MTUS2: variants seen among roughly 807,000 people sequenced by gnomAD.
The protein encoded by MTUS2 is microtubule-associated tumor suppressor candidate 2.
In MTUS2, 40 loss-of-function variants were observed where a neutral mutation model predicts 114.1. The ratio of observed to expected loss-of-function variants is 0.35; its 90% CI spans 0.27 to 0.46. MTUS2 has a LOEUF of 0.46. Among genes scored for constraint, MTUS2 ranks in the 20% least tolerant of loss-of-function variants. The pLI, the probability that MTUS2 is intolerant of heterozygous loss-of-function variation, is 1.00. For synonymous variants in MTUS2, 688 were observed against 672.0 expected (o/e 1.02, Z -0.37); for missense variants, 1,679 against 1,705.4 (o/e 0.98, Z 0.27).
At chr13:29,043,299 A>G (rs1887456897) in intron 4 of MTUS2, among the ~76,000 whole-genome samples, 1 of 152,138 alleles carries the variant, frequency 6.6e-6, no homozygotes, top group Non-Finnish European at 1.5e-5. Context: ...TTGAGAGAGT[A>G]CTTGATATAA....
At chr13:29,133,068 C>T (rs952295979) in intron 5 of MTUS2, among the ~76,000 whole-genome samples, 2 of 151,460 alleles carry the variant, frequency 1.3e-5, no homozygotes, top group Non-Finnish European at 2.9e-5. Flanking sequence ...CTAATGGTTG[C>T]GAGGTGCTAT....
rs76795220 is a variant in MTUS2, at chr13:29,323,709, C to T, written c.2807-904C>T. 4.2e-3 allele frequency among the ~76,000 whole-genome samples: 632 copies of T among 152,096 alleles called. 11 individuals are homozygous for T. Among genetic ancestry groups the T allele is most frequent in the African/African-American group, 0.015 (602 of 41,480 alleles). On this transcript the variant is annotated intron_variant, in intron 6 of 15. Coordinates refer to ENST00000612955, the MANE Select transcript of MTUS2 (RefSeq NM_001033602.4). ...TATTTATAAATACCTAGGAAAAAAT[C>T]TGGGAGAATAAACACAAAATTGCTA...
rs1566245339 is a variant in MTUS2 at position 29,505,079 on chromosome 13, CTT to C, written c.*1875_*1876del. The C allele has an allele frequency of 8.6e-6, 2 of 232,120 alleles. No individual in the cohort carries two copies. The highest frequency in any genetic ancestry group is 3.6e-4 in the South Asian group (2 of 5,534). The allele number at this position is 232,120 out of a possible 1,614,324, so 14.4% of individuals were successfully genotyped here. Reference sequence around the variant, plus strand: ...TCCACATGGAAACACCACCATTTCTCTTTGCTTTAGTGGCTCTGCATGATACT... The same window carrying C: ...TCCACATGGAAACACCACCATTTCTCTGCTTTAGTGGCTCTGCATGATACT... On this transcript the variant is annotated 3_prime_UTR_variant, in exon 16 of 16. Coordinates refer to ENST00000612955, the MANE Select transcript of MTUS2 (RefSeq NM_001033602.4).
intron 1 of MTUS2, among the ~76,000 whole-genome samples, chr13:28,822,265 A>G (rs980764843): frequency 6.6e-6 from 1 of 152,258 alleles, no homozygotes; most frequent in Admixed American, 6.5e-5. Flanking sequence ...AAGAGCTATG[A>G]CTGTGCTTTT....
intron 8 of MTUS2, among the ~76,000 whole-genome samples, chr13:29,426,026 TGGAAGAAA>T (rs1320200740): frequency 6.6e-6 from 1 of 152,224 alleles, no homozygotes. Flanking sequence ...ACGACTGAGC[TGGAAGAAA>T]GCATTCTTTA....
At chr13:28,953,375 G>A (rs1882906279) in intron 2 of MTUS2, among the ~76,000 whole-genome samples, 4 of 152,120 alleles carry the variant, frequency 2.6e-5, no homozygotes, top group South Asian at 4.2e-4. Flanking sequence ...CGGGCATGGT[G>A]GTGTGCACCT....
intron 3 of MTUS2, among the ~76,000 whole-genome samples, chr13:29,027,846 C>G (rs1018466806): frequency 6.6e-6 from 1 of 152,120 alleles, no homozygotes; most frequent in Non-Finnish European, 1.5e-5. Context: ...GCCGGTATTG[C>G]AGTTTTTATC....
rs1186730448 is a variant in MTUS2, at chr13:29,294,628, A to G, written c.2806+12763A>G. On this transcript the variant is annotated intron_variant, in intron 6 of 15. Coordinates refer to ENST00000612955, the MANE Select transcript of MTUS2 (RefSeq NM_001033602.4). The stretch of plus-strand genomic sequence containing the variant: ...TAAATTCACCAAAGGGAAAAAGCTC[A>G]TGGGGCAAAGTTCAAATGAAACAAG... 2.0e-5 allele frequency among the ~76,000 whole-genome samples: 3 copies of G among 152,222 alleles called. 1 individual carries two copies. Among genetic ancestry groups the G allele is most frequent in the Middle Eastern group, 6.3e-3 (2 of 316 alleles).
intron 2 of MTUS2, among the ~76,000 whole-genome samples, chr13:28,950,408 C>G (rs1882750595): frequency 6.6e-6 from 1 of 152,204 alleles, no homozygotes; most frequent in Admixed American, 6.5e-5. Context: ...TACCGTTTCA[C>G]TATGTTAATG....
At chr13:29,035,078 G>C (rs957591342) in intron 4 of MTUS2, among the ~76,000 whole-genome samples, 1 of 151,934 alleles carries the variant, frequency 6.6e-6, no homozygotes, top group Admixed American at 6.6e-5. Flanking sequence ...TTCTTCTGAG[G>C]CTGGCTCATT....
At chr13:29,343,965 G>C (rs141772378) in intron 7 of MTUS2, among the ~76,000 whole-genome samples, 4 of 152,202 alleles carry the variant, frequency 2.6e-5, no homozygotes, top group African/African-American at 9.6e-5. Context: ...ATGCTTTTGA[G>C]GGTTCCTTTT....
chr13:29,453,096 A>G (rs917637324), intron 9 of MTUS2, among the ~76,000 whole-genome samples: 10 of 152,224 alleles, frequency 6.6e-5, no homozygotes, highest in Admixed American at 6.5e-4. Context: ...CTGCATCCTT[A>G]TCTCTTCCCA....
chr13:29,338,596 C>CA (rs144001721), intron 7 of MTUS2, among the ~76,000 whole-genome samples: 29,498 of 143,122 alleles, frequency 0.21, 2,982 homozygotes, highest in Middle Eastern at 0.23. Flanking sequence ...TCTCAGAAAA[C>CA]AAAAAAAAAC....
intron 5 of MTUS2, chr13:29,242,774 G>C (rs1443560560): frequency 6.6e-6 from 1 of 152,182 alleles, no homozygotes; most frequent in Non-Finnish European, 1.5e-5. Context: ...AGCTAACATT[G>C]TTGAGTACCT....
intron 14 of MTUS2, among the ~76,000 whole-genome samples, chr13:29,499,277 G>A (rs1406465571): frequency 6.6e-6 from 1 of 152,136 alleles, no homozygotes; most frequent in Non-Finnish European, 1.5e-5. Context: ...AGAACACCCA[G>A]GATTTCACCC....
At chr13:29,471,347 A>ATAC in intron 9 of MTUS2, among the ~76,000 whole-genome samples, 1 of 152,194 alleles carries the variant, frequency 6.6e-6, no homozygotes, top group Non-Finnish European at 1.5e-5. Context: ...AAAAATAATA[A>ATAC]TAATAATAAT....
At chr13:29,355,227 G>T (rs147609351) in intron 7 of MTUS2, among the ~76,000 whole-genome samples, 1 of 152,152 alleles carries the variant, frequency 6.6e-6, no homozygotes, top group Non-Finnish European at 1.5e-5. Context: ...TGCACGCAAC[G>T]CCTAGCCTTT....
At chr13:28,878,219 A>ATATATG (rs747435077) in intron 2 of MTUS2, among the ~76,000 whole-genome samples, 165 of 147,550 alleles carry the variant, frequency 1.1e-3, no homozygotes, top group African/African-American at 3.3e-3. Context: ...ATATATATAT[A>ATATATG]TGTGTGTGTG....
chr13:29,371,222 C>T (rs1028111483), intron 8 of MTUS2, among the ~76,000 whole-genome samples: 1 of 150,924 alleles, frequency 6.6e-6, no homozygotes, highest in African/African-American at 2.4e-5. Context: ...TTAACCACCC[C>T]CCCCCCCTTT....
Sources: allele counts gnomAD v4.1 joint callset (sites outside exome capture counted in the v4.1 genomes callset), GRCh38; gene constraint gnomAD v4.1.1; transcripts MANE v1.5; gene names NCBI Gene and HGNC (gene_info 2026-07-23, HGNC 2026-07-21).